SPTLC3: variants seen among roughly 807,000 people sequenced by gnomAD.
SPTLC3 encodes serine palmitoyltransferase long chain base subunit 3.
In SPTLC3, 36 loss-of-function variants were observed where a neutral mutation model predicts 59.3. That is an observed-to-expected ratio of 0.61 (90% CI 0.47 to 0.80). The LOEUF (loss-of-function observed/expected upper bound fraction) is 0.80, where lower values mean the gene tolerates loss of function less well. Ranked by LOEUF, SPTLC3 falls within the 30% of genes least tolerant of loss-of-function variation. SPTLC3 has a pLI of 0.00. For missense variants in SPTLC3, 625 were observed against 685.1 expected, an observed-to-expected ratio of 0.91 and a Z score of 0.98; for synonymous variants, 257 against 240.8, an observed-to-expected ratio of 1.07 and a Z score of -0.62.
Position 13,091,077 on chromosome 20 carries a change from G to A in SPTLC3, c.608-6G>A, listed in dbSNP as rs368152932. ...AGGCTCACTTCTCATGTAATTTTAT[G>A]TGCAGGCACCTTGGATAAGCACAAG... On this transcript the variant is annotated splice_region_variant and splice_polypyrimidine_tract_variant and intron_variant, in intron 4 of 11. Coordinates refer to ENST00000399002, the MANE Select transcript of SPTLC3 (RefSeq NM_018327.4). 1.9e-6 allele frequency: 3 copies of A among 1,613,226 alleles called. No individual in the cohort carries two copies. The highest frequency in any genetic ancestry group is 1.7e-6 in the Non-Finnish European group (2 of 1,179,514).
intron 1 of SPTLC3, among the ~76,000 whole-genome samples, chr20:13,030,717 C>A (rs1986399009): frequency 6.6e-6 from 1 of 152,136 alleles, no homozygotes; most frequent in African/African-American, 2.4e-5. Flanking sequence ...TTCAGCCATG[C>A]CTGCCCCTCC....
rs150634000 is a variant in SPTLC3, at chr20:13,049,140, C to G, written c.303+10C>G. On this transcript the variant is annotated intron_variant, in intron 2 of 11. Coordinates refer to ENST00000399002, the MANE Select transcript of SPTLC3 (RefSeq NM_018327.4). Reference sequence around the variant, plus strand: ...AAGAAAAGAACAAAAAGTACGTATGCGCACCTCCCTGGATCTTTGTCAATG... The same window carrying G: ...AAGAAAAGAACAAAAAGTACGTATGGGCACCTCCCTGGATCTTTGTCAATG... 6.2e-7 allele frequency: 1 copy of G among 1,611,858 alleles called. No individual in the cohort carries two copies. Among genetic ancestry groups the G allele is most frequent in the Non-Finnish European group, 8.5e-7 (1 of 1,178,780 alleles).
chr20:13,048,769 G>T (rs1328045489), intron 1 of SPTLC3, among the ~76,000 whole-genome samples, 176 bp from the exon 2 acceptor site: 3 of 152,078 alleles, frequency 2.0e-5, no homozygotes, highest in African/African-American at 7.2e-5. Flanking sequence ...TGTTACTATG[G>T]CTTGTAAAAT....
intron 1 of SPTLC3, among the ~76,000 whole-genome samples, chr20:13,033,991 G>A (rs1365646766): frequency 3.9e-5 from 6 of 152,040 alleles, no homozygotes; most frequent in Admixed American, 6.6e-5. Context: ...GAAAAGTGAC[G>A]ATATGAAGAA....
chr20:13,039,163 T>G (rs1986866243), intron 1 of SPTLC3, among the ~76,000 whole-genome samples: 10 of 152,082 alleles, frequency 6.6e-5, no homozygotes, highest in Admixed American at 6.6e-4. Context: ...TGTTCAAGTC[T>G]TCTATTTTCT....
intron 1 of SPTLC3, among the ~76,000 whole-genome samples, chr20:13,044,303 T>C (rs1360687254): frequency 1.3e-5 from 2 of 152,114 alleles, no homozygotes; most frequent in East Asian, 3.9e-4. Flanking sequence ...AGTTTCACCA[T>C]GTTGGCCAGG....
intron 2 of SPTLC3, among the ~76,000 whole-genome samples, chr20:13,056,276 T>C (rs1987720037): frequency 6.6e-6 from 1 of 152,172 alleles, no homozygotes; most frequent in Admixed American, 6.5e-5. Flanking sequence ...CAATAGTCAA[T>C]AGACTCATGT....
intron 2 of SPTLC3, among the ~76,000 whole-genome samples, chr20:13,061,790 A>G (rs1179301965): frequency 6.6e-6 from 1 of 151,830 alleles, no homozygotes; most frequent in Non-Finnish European, 1.5e-5. Flanking sequence ...ATCTCCTCTC[A>G]CCTCAGATGT....
chr20:13,124,088 T>A (rs2037930887), intron 8 of SPTLC3, among the ~76,000 whole-genome samples: 1 of 152,196 alleles, frequency 6.6e-6, no homozygotes, highest in African/African-American at 2.4e-5. Flanking sequence ...GCCAGCATCA[T>A]GCACATACTC....
rs6033606 is a variant in SPTLC3, at chr20:13,062,300, T to C, written c.304-9956T>C. Among the ~76,000 whole-genome samples the C allele has an allele frequency of 3.7e-3, 562 of 152,314 alleles. 3 individuals carry two copies. The highest frequency in any genetic ancestry group is 0.013 in the African/African-American group (530 of 41,562). Reference sequence around the variant, plus strand: ...GTCCACAGTTGTATCTGGCAGAGCATGTGCCATAGGCTAAGAAGGCAACCC... The same window carrying C: ...GTCCACAGTTGTATCTGGCAGAGCACGTGCCATAGGCTAAGAAGGCAACCC... On this transcript the variant is annotated intron_variant, in intron 2 of 11. Transcript: ENST00000399002.
intron 1 of SPTLC3, among the ~76,000 whole-genome samples, chr20:13,042,202 A>G (rs1252642687): frequency 6.6e-6 from 1 of 152,174 alleles, no homozygotes; most frequent in African/African-American, 2.4e-5. Context: ...CCGAGTTACC[A>G]GTCTCTTCTA....
At chr20:13,017,530 T>C (rs1191167912) in intron 1 of SPTLC3, among the ~76,000 whole-genome samples, 2 of 152,232 alleles carry the variant, frequency 1.3e-5, no homozygotes, top group Admixed American at 1.3e-4. Flanking sequence ...CTTGTCGACA[T>C]GTGGCCTGCA....
intron 1 of SPTLC3, among the ~76,000 whole-genome samples, chr20:13,042,952 C>G (rs1007277308): frequency 6.6e-6 from 1 of 152,198 alleles, no homozygotes; most frequent in African/African-American, 2.4e-5. Flanking sequence ...ATGCCACCAG[C>G]AGGGAAATAG....
At chr20:13,036,953 G>A (rs889988364) in intron 1 of SPTLC3, among the ~76,000 whole-genome samples, 1 of 152,134 alleles carries the variant, frequency 6.6e-6, no homozygotes, top group African/African-American at 2.4e-5. Flanking sequence ...AGCAAGTCTA[G>A]TATTGGGTAG....
At chr20:13,087,671 G>A (rs1408777140) in intron 4 of SPTLC3, among the ~76,000 whole-genome samples, 2 of 152,160 alleles carry the variant, frequency 1.3e-5, no homozygotes, top group Non-Finnish European at 2.9e-5. Flanking sequence ...CACCATCATA[G>A]AATGTCTGAC....
At chr20:13,085,090 G>A (rs925678891) in intron 4 of SPTLC3, among the ~76,000 whole-genome samples, 48 of 151,966 alleles carry the variant, frequency 3.2e-4, no homozygotes, top group African/African-American at 1.1e-3. Flanking sequence ...TGAGTGAGTG[G>A]GCAGTTGAAA....
Position 13,117,645 on chromosome 20 carries a change from G to C in SPTLC3, c.1072G>C (p.Asp358His). 1.9e-6 allele frequency: 3 copies of C among 1,614,092 alleles called. No individual in the cohort carries two copies. The highest frequency in any genetic ancestry group is 2.5e-6 in the Non-Finnish European group (3 of 1,179,962). ...GGGTGTCACGGAGTTCTTTGGACTA[G>C]ACCCTCATGAAGTTGATGTGCTCAT... Reference protein sequence around the residue: ...GRGVTEFFGLDPHEVDVLMGT... With the variant: ...GRGVTEFFGLHPHEVDVLMGT... The change falls in exon 8 of 12, where the codon GAC becomes CAC. Residue 358 changes from aspartate to histidine, a missense_variant. Physicochemically the swap from Asp to His is moderately conservative, Grantham distance 81. Coordinates refer to ENST00000399002, the MANE Select transcript of SPTLC3 (RefSeq NM_018327.4).
chr20:13,063,061 C>T (rs1415666308), intron 2 of SPTLC3, among the ~76,000 whole-genome samples: 1 of 152,182 alleles, frequency 6.6e-6, no homozygotes, highest in Non-Finnish European at 1.5e-5. Context: ...ACAATGCATG[C>T]TTCCTTGCCA....
intron 1 of SPTLC3, among the ~76,000 whole-genome samples, chr20:13,042,779 C>G (rs1393061166): frequency 6.6e-6 from 1 of 152,198 alleles, no homozygotes; most frequent in Non-Finnish European, 1.5e-5. Context: ...GCCACAGACT[C>G]TCAGTGTTCT....
Sources: gnomAD v4.1 joint callset for allele counts (sites outside exome capture counted in the v4.1 genomes callset) on GRCh38, gnomAD v4.1.1 for gene constraint, MANE v1.5 for transcripts, NCBI Gene and HGNC (gene_info 2026-07-23, HGNC 2026-07-21) for gene names.